DAB1: variants seen among roughly 807,000 people sequenced by gnomAD.
DAB1 encodes disabled homolog 1.
DAB1 carries 15 observed loss-of-function variants against 64.6 expected under a neutral mutation model. The observed-to-expected ratio is 0.23, with a 90% CI of 0.16 to 0.36. The LOEUF is 0.36. DAB1 is among the 10% of genes least tolerant of loss of function. DAB1 has a pLI of 1.00. For missense variants in DAB1, 596 were observed against 706.7 expected (o/e 0.84, Z 1.78); for synonymous variants, 235 against 251.9 (o/e 0.93, Z 0.64).
intron 7 of DAB1, among the ~76,000 whole-genome samples, chr1:57,559,908 G>A (rs965161386): frequency 3.9e-5 from 6 of 152,214 alleles, no homozygotes; most frequent in African/African-American, 1.2e-4. Flanking sequence ...AGATGCAGGG[G>A]TGGTGATTCC....
intron 4 of DAB1, among the ~76,000 whole-genome samples, chr1:58,281,804 T>C (rs1266233390): frequency 6.6e-6 from 1 of 152,210 alleles, no homozygotes; most frequent in East Asian, 1.9e-4. Flanking sequence ...GTACATACTT[T>C]ACAAGACTGT....
At chr1:58,027,162 A>T (rs1646906605) in intron 5 of DAB1, among the ~76,000 whole-genome samples, 2 of 152,368 alleles carry the variant, frequency 1.3e-5, no homozygotes, top group East Asian at 1.9e-4. Context: ...TGACAAAGAC[A>T]GTCCTTTTCT....
intron 5 of DAB1, among the ~76,000 whole-genome samples, chr1:58,007,032 C>T (rs1210522006): frequency 6.6e-6 from 1 of 152,130 alleles, no homozygotes; most frequent in Non-Finnish European, 1.5e-5. Flanking sequence ...CTGTTAGCAG[C>T]CACCATCACA....
chr1:58,069,462 T>A (rs767757808), intron 5 of DAB1, among the ~76,000 whole-genome samples: 1 of 152,246 alleles, frequency 6.6e-6, no homozygotes, highest in Non-Finnish European at 1.5e-5. Context: ...CTTTGTACTT[T>A]ACGGCGTACC....
At chr1:58,384,317 T>C (rs1644415059) in intron 3 of DAB1, among the ~76,000 whole-genome samples, 1 of 152,182 alleles carries the variant, frequency 6.6e-6, no homozygotes, top group Non-Finnish European at 1.5e-5. Context: ...ATTTCTCTTA[T>C]GAAAGATATC....
chr1:58,499,326 A>G (rs1348561724), intron 3 of DAB1, among the ~76,000 whole-genome samples: 1 of 150,958 alleles, frequency 6.6e-6, no homozygotes, highest in Non-Finnish European at 1.5e-5. Context: ...AAAAAAAAAA[A>G]AAAAAAAAAA....
At chr1:57,780,203 G>A (rs941528156) in intron 6 of DAB1, among the ~76,000 whole-genome samples, 7 of 151,562 alleles carry the variant, frequency 4.6e-5, no homozygotes, top group Admixed American at 4.6e-4. Flanking sequence ...GTCAATCATG[G>A]GCCAGTTATA....
intron 1 of DAB1, among the ~76,000 whole-genome samples, chr1:57,291,434 CTA>C (rs1398943640): frequency 6.6e-6 from 1 of 152,026 alleles, no homozygotes; most frequent in East Asian, 1.9e-4. Context: ...ACTCTGTTTT[CTA>C]TGTTTCTTAT....
In DAB1 at chr1:58,224,694, G is replaced by A. The variant is rs116729782; in HGVS notation, n.310-74106C>T. On this transcript the variant is annotated intron_variant and non_coding_transcript_variant, in intron 4 of 20. Coordinates refer to the DAB1 transcript ENST00000485760. ...GACATGATTTGTTAATCCCCATTTA[G>A]TAGATTTTTTAAAACCTGAGGCTCC... Among the ~76,000 whole-genome samples the A allele has an allele frequency of 2.3e-3, 344 of 152,216 alleles. 2 individuals carry two copies. The highest frequency in any genetic ancestry group is 7.8e-3 in the African/African-American group (322 of 41,546).
upstream of DAB1, among the ~76,000 whole-genome samples, chr1:57,424,358 C>A: frequency 6.6e-6 from 1 of 151,730 alleles, no homozygotes. Flanking sequence ...AGCGAGCGAG[C>A]GGGGGCGCCG....
chr1:58,235,514 G>C (rs1352313730), intron 4 of DAB1, among the ~76,000 whole-genome samples: 1 of 152,172 alleles, frequency 6.6e-6, no homozygotes, highest in African/African-American at 2.4e-5. Context: ...CTGAACCCTA[G>C]TTTTGGTTAT....
intron 1 of DAB1, among the ~76,000 whole-genome samples, chr1:57,381,776 C>T (rs1681399250): frequency 6.6e-6 from 1 of 152,166 alleles, no homozygotes. Context: ...GTTCTCTGCC[C>T]ACATTCATCC....
chr1:57,815,976 A>C (rs1651838056), intron 6 of DAB1, among the ~76,000 whole-genome samples: 1 of 152,200 alleles, frequency 6.6e-6, no homozygotes, highest in South Asian at 2.1e-4. Context: ...AAGCAGAGTC[A>C]AGATTTCTGG....
chr1:57,906,936 GCAGATAGATAGATAGA>G (rs1483512425), intron 5 of DAB1, among the ~76,000 whole-genome samples: 6 of 121,250 alleles, frequency 4.9e-5, no homozygotes, highest in African/African-American at 1.5e-4. Context: ...AATATAATAT[GCAGATAGATAGATAGA>G]TAGATAGATA....
intron 4 of DAB1, among the ~76,000 whole-genome samples, chr1:58,317,072 G>A (rs1448140618): frequency 1.3e-5 from 2 of 152,228 alleles, no homozygotes; most frequent in African/African-American, 2.4e-5. Context: ...GCTGCGGAGG[G>A]AAGAGAGAGC....
intron 1 of DAB1, among the ~76,000 whole-genome samples, chr1:57,345,197 G>A (rs1677979801): frequency 6.6e-6 from 1 of 152,176 alleles, no homozygotes; most frequent in East Asian, 1.9e-4. Flanking sequence ...ACACTGTGCT[G>A]AACTTGGGGA....
intron 4 of DAB1, among the ~76,000 whole-genome samples, chr1:57,102,391 G>A (rs550793091): frequency 1.3e-5 from 2 of 152,256 alleles, no homozygotes; most frequent in East Asian, 3.9e-4. Context: ...ATGTTTTAAG[G>A]ATATTATACT....
At chr1:58,516,390 T>C (rs1646158364) in intron 2 of DAB1, among the ~76,000 whole-genome samples, 1 of 152,192 alleles carries the variant, frequency 6.6e-6, no homozygotes, top group Non-Finnish European at 1.5e-5. Flanking sequence ...CAAATGAATA[T>C]TCATACCCCA....
chr1:57,118,118 G>A (rs959541917), intron 4 of DAB1, among the ~76,000 whole-genome samples: 1 of 152,154 alleles, frequency 6.6e-6, no homozygotes, highest in African/African-American at 2.4e-5. Flanking sequence ...TGTATCTCTT[G>A]GATCTGATTC....
Sources: allele counts gnomAD v4.1 joint callset (sites outside exome capture counted in the v4.1 genomes callset), GRCh38; gene constraint gnomAD v4.1.1; transcripts MANE v1.5; gene names NCBI Gene and HGNC (gene_info 2026-07-23, HGNC 2026-07-21).